CUBN: variants seen among roughly 807,000 people sequenced by gnomAD.
CUBN encodes 460 kDa receptor.
Under a neutral mutation model 405.3 loss-of-function variants are expected in CUBN, and 282 were observed. That is an observed-to-expected ratio of 0.70 (90% confidence interval 0.63 to 0.77). The LOEUF is 0.77. Among genes scored for constraint, CUBN ranks in the 30% least tolerant of loss-of-function variants. CUBN has a pLI of 0.00. For synonymous variants in CUBN, 1,684 were observed against 1,617.0 expected (o/e 1.04, Z -0.99); for missense variants, 4,514 against 4,475.2 (o/e 1.01, Z -0.25).
chr10:16,880,601 C>T (rs1840640731), intron 56 of CUBN, among the ~76,000 whole-genome samples: 2 of 152,120 alleles, frequency 1.3e-5, no homozygotes, highest in African/African-American at 2.4e-5. Context: ...TCTTATAAAC[C>T]CTACTTTGTA....
chr10:16,892,291 C>T (rs1031120217), intron 54 of CUBN, among the ~76,000 whole-genome samples: 13 of 152,012 alleles, frequency 8.6e-5, no homozygotes, highest in Non-Finnish European at 1.5e-4. Flanking sequence ...CTACTGAGAA[C>T]AAAAGTGCAG....
chr10:16,841,032 T>C lies in CUBN; in HGVS notation c.9679A>G (p.Ser3227Gly), dbSNP rs1839332512. ...YDYVKLYDGD[S>G]ENANLAGTFC... ...GTTCCAGCCAAGTTCGCATTTTCACTATCCCCATCATATAACTGAGAAGAA... is the reference window on the plus strand; with the variant it reads ...GTTCCAGCCAAGTTCGCATTTTCACCATCCCCATCATATAACTGAGAAGAA... Residue 3227 changes from serine to glycine, a missense_variant, in exon 61 of 67, where the codon AGT becomes GGT. Physicochemically the swap from Ser to Gly is moderately conservative, Grantham distance 56. This residue lies in a region of CUBN where 1,186 missense variants were observed against 1,186.9 expected (regional missense o/e 1.00). Coordinates refer to ENST00000377833, the MANE Select transcript of CUBN (RefSeq NM_001081.4). 6.2e-7 allele frequency: 1 copy of C among 1,614,102 alleles called. No homozygotes were observed. The highest frequency in any genetic ancestry group is 2.2e-5 in the East Asian group (1 of 44,870).
At chr10:16,855,109 C>T (rs1227643018) in intron 59 of CUBN, among the ~76,000 whole-genome samples, 2 of 126,574 alleles carry the variant, frequency 1.6e-5, no homozygotes, top group Admixed American at 8.8e-5. Flanking sequence ...CCCTTCCTTC[C>T]TTCCTTCCTT....
chr10:16,860,496 A>G (rs982708586), intron 59 of CUBN, among the ~76,000 whole-genome samples: 1 of 152,016 alleles, frequency 6.6e-6, no homozygotes, highest in African/African-American at 2.4e-5. Flanking sequence ...AAAGAGCAAA[A>G]CTCCAGCCAA....
chr10:17,017,213 T>C (rs1346052352), intron 28 of CUBN, among the ~76,000 whole-genome samples: 1 of 152,092 alleles, frequency 6.6e-6, no homozygotes, highest in Non-Finnish European at 1.5e-5. Flanking sequence ...ACCCTGCTGA[T>C]CAGAATAGTT....
intron 31 of CUBN, among the ~76,000 whole-genome samples, chr10:16,956,987 T>C (rs1843083996): frequency 6.6e-6 from 1 of 152,310 alleles, no homozygotes; most frequent in South Asian, 2.1e-4. Context: ...ATTCAGCATG[T>C]CCATCAATTC....
At chr10:16,928,438 AAAG>A in intron 40 of CUBN, 135 bp from the exon 41 acceptor site, 1 of 922,426 alleles carries the variant, frequency 1.1e-6, no homozygotes, top group South Asian at 1.4e-5. Context: ...GGATCCTCAA[AAAG>A]AAGGACCCCT....
chr10:16,901,295 T>C (rs758157583), intron 52 of CUBN, 43 bp downstream of exon 52: 5 of 1,613,764 alleles, frequency 3.1e-6, no homozygotes, highest in Middle Eastern at 1.6e-4. Context: ...GCTATTGTGG[T>C]TCTATTGTCT....
chr10:17,127,212 T>TGC (rs1564525938), intron 3 of CUBN, among the ~76,000 whole-genome samples: 1 of 109,628 alleles, frequency 9.1e-6, no homozygotes, highest in South Asian at 2.6e-4. Flanking sequence ...CTGTCTTTCT[T>TGC]TCTCTCTCTC....
At chr10:17,026,114 G>A (rs757587354) in intron 27 of CUBN, among the ~76,000 whole-genome samples, 26 of 152,104 alleles carry the variant, frequency 1.7e-4, no homozygotes, top group Non-Finnish European at 2.9e-4. Context: ...CCAGAAGGAT[G>A]GGACCTAGGG....
At chr10:16,869,540 T>C in intron 59 of CUBN, 96 bp downstream of exon 59, 1 of 868,526 alleles carries the variant, frequency 1.2e-6, no homozygotes, top group Non-Finnish European at 1.8e-6. Flanking sequence ...GGAAAAGCAA[T>C]CATAATCAGG....
At chr10:17,105,619 T>A (rs765061897) in intron 10 of CUBN, 44 bp from the exon 11 acceptor site, 1 of 1,038,480 alleles carries the variant, frequency 9.6e-7, no homozygotes, top group South Asian at 1.3e-5. Context: ...GGTCTCCTCC[T>A]CTGTTCGGAT....
chr10:16,831,086 CAA>C (rs971747478), intron 65 of CUBN, among the ~76,000 whole-genome samples, 164 bp downstream of exon 65: 1 of 141,550 alleles, frequency 7.1e-6, no homozygotes, highest in African/African-American at 2.6e-5. Flanking sequence ...GATTCCATTT[CAA>C]AAAAAAAAAA....
chr10:16,898,013 G>T (rs1841240907), intron 54 of CUBN, among the ~76,000 whole-genome samples: 1 of 150,642 alleles, frequency 6.6e-6, no homozygotes. Context: ...AGTTCATTTA[G>T]TTCATGGAAA....
Position 17,100,176 on chromosome 10 carries a change from G to T in CUBN, c.1594C>A (p.Leu532Ile). 1 of 1,614,068 alleles carries T rather than the reference G, an allele frequency of 6.2e-7. No individual in the cohort carries two copies. The highest frequency in any genetic ancestry group is 8.5e-7 in the Non-Finnish European group (1 of 1,179,974). The change falls in exon 14 of 67, where the codon CTT becomes ATT. Residue 532 changes from leucine to isoleucine, a missense_variant. Coordinates refer to ENST00000377833, the MANE Select transcript of CUBN (RefSeq NM_001081.4). Reference sequence around the variant, plus strand: ...GAGGAATCTCCATCATAAACCTGAAGAAACTCGTGTGGACAGTTGTCCATG... The same window carrying T: ...GAGGAATCTCCATCATAAACCTGAATAAACTCGTGTGGACAGTTGTCCATG... ...ESMDNCPHEF[L>I]QVYDGDSSSA...
At chr10:17,092,287 A>G (rs978544790) in intron 14 of CUBN, among the ~76,000 whole-genome samples, 4 of 152,190 alleles carry the variant, frequency 2.6e-5, no homozygotes, top group Non-Finnish European at 4.4e-5. Flanking sequence ...AAGGAGTTAC[A>G]GAAAATGGAC....
At chr10:17,049,102 A>T (rs182233174) in intron 22 of CUBN, among the ~76,000 whole-genome samples, 3 of 152,346 alleles carry the variant, frequency 2.0e-5, no homozygotes, top group Admixed American at 6.5e-5. Flanking sequence ...CACAAGTGGA[A>T]AGGAAGGTAG....
At chr10:16,892,603 C>T (rs1269057530) in intron 54 of CUBN, among the ~76,000 whole-genome samples, 1 of 152,086 alleles carries the variant, frequency 6.6e-6, no homozygotes. Flanking sequence ...GTGATCTTCC[C>T]ACCTCAGCCT....
intron 60 of CUBN, among the ~76,000 whole-genome samples, chr10:16,842,865 G>T (rs117348429): frequency 3.2e-4 from 49 of 152,256 alleles, no homozygotes; most frequent in Non-Finnish European, 5.0e-4. Context: ...ATCCCAGGAG[G>T]ACTCCTGTCC....
Sources: gnomAD v4.1 joint callset for allele counts (sites outside exome capture counted in the v4.1 genomes callset) on GRCh38, gnomAD v4.1.1 for gene constraint, gnomAD v4.1.1 regional missense constraint, MANE v1.5 for transcripts, NCBI Gene and HGNC (gene_info 2026-07-23, HGNC 2026-07-21) for gene names.